HS6ST2: variants seen among roughly 807,000 people sequenced by gnomAD.
HS6ST2 encodes the protein heparan-sulfate 6-O-sulfotransferase 2.
HS6ST2 carries 17 observed loss-of-function variants against 33.0 expected under a neutral mutation model. The observed-to-expected ratio is 0.52, with a 90% CI of 0.35 to 0.77. The LOEUF is 0.77. Among genes scored for constraint, HS6ST2 ranks in the 30% least tolerant of loss-of-function variants. HS6ST2 has a pLI of 0.01. For synonymous variants in HS6ST2, 248 were observed against 237.1 expected (o/e 1.05, Z -0.42); for missense variants, 519 against 551.7 (o/e 0.94, Z 0.59).
At chrX:132,870,338 C>G (rs1386215959) in intron 2 of HS6ST2, among the ~76,000 whole-genome samples, 1 of 111,770 alleles carries the variant, frequency 8.9e-6, no homozygotes, top group Non-Finnish European at 1.9e-5. Context: ...AATGGCCATA[C>G]TGCCCGAAGT....
intron 2 of HS6ST2, among the ~76,000 whole-genome samples, chrX:132,785,358 C>G (rs946934098): frequency 9.0e-6 from 1 of 111,336 alleles, no homozygotes; most frequent in African/African-American, 3.3e-5. Flanking sequence ...AAGACAGAAA[C>G]GGGGAGAACC....
intron 2 of HS6ST2, among the ~76,000 whole-genome samples, chrX:132,893,301 T>C (rs2066334841): frequency 1.8e-5 from 2 of 112,313 alleles, no homozygotes; most frequent in Non-Finnish European, 3.8e-5. Flanking sequence ...TGACTTATAG[T>C]ATTCACGTGA....
intron 3 of HS6ST2, among the ~76,000 whole-genome samples, chrX:132,700,307 C>G (rs2064134721): frequency 9.0e-6 from 1 of 111,159 alleles, no homozygotes; most frequent in South Asian, 3.8e-4. Context: ...CAATGGAGGT[C>G]TGGAAAATCA....
intron 2 of HS6ST2, among the ~76,000 whole-genome samples, chrX:132,820,301 A>G (rs1243833153): frequency 9.0e-6 from 1 of 111,388 alleles, no homozygotes; most frequent in Non-Finnish European, 1.9e-5. Flanking sequence ...AGACAGATGA[A>G]AGACCCTAAT....
chrX:132,769,049 T>C (rs1471094667), intron 2 of HS6ST2, among the ~76,000 whole-genome samples: 1 of 112,230 alleles, frequency 8.9e-6, no homozygotes, highest in African/African-American at 3.2e-5. Context: ...TTAAATCAGT[T>C]TCAAAGGTTG....
At chrX:132,677,299 C>T (rs997079022) in intron 3 of HS6ST2, among the ~76,000 whole-genome samples, 16 of 112,068 alleles carry the variant, frequency 1.4e-4, no homozygotes, top group Admixed American at 6.6e-4. Flanking sequence ...CAGAATGATA[C>T]GAACTAAGTG....
chrX:132,858,795 A>AATGG (rs1435980276), intron 2 of HS6ST2, among the ~76,000 whole-genome samples: 2 of 112,379 alleles, frequency 1.8e-5, no homozygotes, highest in Admixed American at 1.9e-4. Context: ...AACAGTAGAC[A>AATGG]ATATCCCCTC....
At chrX:132,758,886 C>G (rs926086883) in intron 2 of HS6ST2, among the ~76,000 whole-genome samples, 1 of 111,858 alleles carries the variant, frequency 8.9e-6, no homozygotes, top group African/African-American at 3.3e-5. Context: ...CCTGTCTCGT[C>G]TGCACACAGC....
intron 2 of HS6ST2, among the ~76,000 whole-genome samples, chrX:132,794,555 GGATGAT>G (rs111313658): frequency 1.8e-4 from 17 of 92,256 alleles, no homozygotes; most frequent in African/African-American, 7.2e-4. Flanking sequence ...CACCACTCCT[GGATGAT>G]GATGATGATG....
At chrX:132,722,509 A>G (rs2064343349) in intron 2 of HS6ST2, among the ~76,000 whole-genome samples, 1 of 112,021 alleles carries the variant, frequency 8.9e-6, no homozygotes, top group Non-Finnish European at 1.9e-5. Context: ...AAATAAATCC[A>G]TGCTCTAAAT....
intron 2 of HS6ST2, among the ~76,000 whole-genome samples, chrX:132,800,560 G>A (rs997282303): frequency 1.8e-5 from 2 of 110,795 alleles, no homozygotes; most frequent in African/African-American, 6.6e-5. Context: ...AAAAAGTCGA[G>A]GACCACTGCT....
chrX:132,650,772 T>TCTCTCTCTCTC (rs10693295), intron 4 of HS6ST2, among the ~76,000 whole-genome samples: 2 of 99,566 alleles, frequency 2.0e-5, no homozygotes, highest in African/African-American at 7.4e-5. Flanking sequence ...TCTCTCTCTC[T>TCTCTCTCTCTC]TCTTTTTTGT....
chrX:132,955,897 T>C (rs1292474456), intron 2 of HS6ST2, among the ~76,000 whole-genome samples: 4 of 112,827 alleles, frequency 3.5e-5, no homozygotes, highest in Non-Finnish European at 7.5e-5. Context: ...GAACATGGGC[T>C]GGCAGCGCCC....
At chrX:132,786,532 TCTC>T (rs1305464456) in intron 2 of HS6ST2, among the ~76,000 whole-genome samples, 3 of 111,817 alleles carry the variant, frequency 2.7e-5, no homozygotes, top group African/African-American at 9.8e-5. Flanking sequence ...TCCTAATAGT[TCTC>T]CTCTCTGCGG....
chrX:132,825,551 G>T (rs1318565550), intron 2 of HS6ST2, among the ~76,000 whole-genome samples: 8 of 111,614 alleles, frequency 7.2e-5, no homozygotes, highest in Non-Finnish European at 1.3e-4. Flanking sequence ...TCTGAACTCA[G>T]AAGGTTCTGT....
intron 2 of HS6ST2, among the ~76,000 whole-genome samples, chrX:132,859,166 T>C (rs2065883494): frequency 8.9e-6 from 1 of 112,084 alleles, no homozygotes; most frequent in African/African-American, 3.2e-5. Context: ...GAGACAGTCC[T>C]TCAAACACTT....
chrX:132,913,978 C>T (rs745529144), intron 2 of HS6ST2, among the ~76,000 whole-genome samples: 3 of 111,988 alleles, frequency 2.7e-5, no homozygotes, highest in Non-Finnish European at 5.6e-5. Flanking sequence ...CCCTCTCCCC[C>T]TCTCCTGCTC....
intron 2 of HS6ST2, among the ~76,000 whole-genome samples, chrX:132,775,197 G>A (rs982231150): frequency 9.0e-6 from 1 of 111,315 alleles, no homozygotes; most frequent in Non-Finnish European, 1.9e-5. Flanking sequence ...TAGACACCAC[G>A]CTAGTTCTGT....
intron 4 of HS6ST2, among the ~76,000 whole-genome samples, chrX:132,640,503 A>G (rs1013700297): frequency 1.3e-4 from 14 of 111,586 alleles, no homozygotes; most frequent in African/African-American, 4.6e-4. Context: ...AAGCTTTTTC[A>G]GAAAACCTAT....
Sources: allele counts gnomAD v4.1 joint callset (sites outside exome capture counted in the v4.1 genomes callset), GRCh38; gene constraint gnomAD v4.1.1; transcripts MANE v1.5; gene names NCBI Gene and HGNC (gene_info 2026-07-23, HGNC 2026-07-21).